Variants in GALNT18 observed in about 807,000 individuals in gnomAD.
GALNT18 encodes GalNAc-transferase 18.
A neutral mutation model predicts 69.5 loss-of-function variants in GALNT18; 44 were observed. That is an observed-to-expected ratio of 0.63 (90% CI 0.50 to 0.81). The LOEUF is 0.81. GALNT18 is among the 40% of genes least tolerant of loss of function. The pLI, the probability that GALNT18 is intolerant of heterozygous loss-of-function variation, is 0.00. For missense variants in GALNT18, 715 were observed against 810.0 expected, an observed-to-expected ratio of 0.88 and a Z score of 1.42; for synonymous variants, 364 against 318.2, an observed-to-expected ratio of 1.14 and a Z score of -1.53.
rs146792722 is a variant in GALNT18 at position 11,386,676 on chromosome 11, T to C, written c.596-7412A>G. ...TATTCTAAGTATTTGGTATATGTTA[T>C]CTCATTTAATCATTTCAACAACCCT... On this transcript the variant is annotated intron_variant, in intron 3 of 10. Coordinates refer to ENST00000227756, the MANE Select transcript of GALNT18 (RefSeq NM_198516.3). Among the ~76,000 whole-genome samples, 6 of 152,308 alleles carry C rather than the reference T, an allele frequency of 3.9e-5. No homozygotes were observed. In the East Asian group the frequency reaches 1.2e-3, roughly 29 times the overall value.
chr11:11,376,677 A>G (rs1360698230), intron 5 of GALNT18, among the ~76,000 whole-genome samples: 2 of 152,018 alleles, frequency 1.3e-5, no homozygotes, highest in Non-Finnish European at 2.9e-5. Context: ...TCCCACTTCT[A>G]GTGACTTTGA....
At chr11:11,504,202 G>T (rs191552124) in intron 1 of GALNT18, among the ~76,000 whole-genome samples, 9 of 152,254 alleles carry the variant, frequency 5.9e-5, no homozygotes, top group Admixed American at 5.9e-4. Flanking sequence ...GTAAATGAAT[G>T]ATGGCAGGAT....
intron 1 of GALNT18, among the ~76,000 whole-genome samples, chr11:11,515,700 G>A (rs1010532893): frequency 1.6e-4 from 24 of 152,360 alleles, no homozygotes; most frequent in South Asian, 6.2e-4. Flanking sequence ...CTGACCAGAT[G>A]AAACCTAACC....
intron 9 of GALNT18, among the ~76,000 whole-genome samples, chr11:11,304,944 A>G (rs1222869824): frequency 6.6e-6 from 1 of 152,248 alleles, no homozygotes; most frequent in Non-Finnish European, 1.5e-5. Context: ...TGAGTAAGAA[A>G]TAAACACATC....
rs1441875205 is a variant in GALNT18 at position 11,463,707 on chromosome 11, G to T, written c.236-14771C>A. On this transcript the variant is annotated intron_variant, in intron 1 of 10. Transcript: ENST00000227756. The surrounding 1 kb of genome is among the most constrained non-coding windows in gnomAD (Gnocchi z 4.2). ...CAGGCCCTCCCAACCCCAGGCCCTG[G>T]CAGGATAGGGAAAGGCTTTGAATCC... is the stretch of plus-strand genomic sequence containing the variant. Among the ~76,000 whole-genome samples, 3 of 152,212 alleles carry T rather than the reference G, an allele frequency of 2.0e-5. No individual in the cohort carries two copies. Among genetic ancestry groups the T allele is most frequent in the African/African-American group, 7.2e-5 (3 of 41,448 alleles).
At chr11:11,473,612 A>G (rs1380790896) in intron 1 of GALNT18, among the ~76,000 whole-genome samples, 1 of 152,246 alleles carries the variant, frequency 6.6e-6, no homozygotes, top group East Asian at 1.9e-4. Flanking sequence ...CTCAGAAGGT[A>G]GGCTTGAGGG....
chr11:11,510,074 A>C lies in GALNT18; in HGVS notation c.236-61138T>G, dbSNP rs553147733. ...GGCCCAGTGAGTACCAACTACATGC[A>C]GATGCTGGCCACAGCATGGAAAACT... is the stretch of plus-strand genomic sequence containing the variant. On this transcript the variant is annotated intron_variant, in intron 1 of 10. Coordinates refer to ENST00000227756, the MANE Select transcript of GALNT18 (RefSeq NM_198516.3). Among the ~76,000 whole-genome samples, 3 of 152,266 alleles carry C rather than the reference A, an allele frequency of 2.0e-5. No individual in the cohort carries two copies. In the South Asian group the frequency reaches 6.2e-4, roughly 32 times the overall value.
Position 11,432,868 on chromosome 11 carries a change from C to T in GALNT18, c.429-81G>A. 5 of 1,457,288 alleles carry T rather than the reference C, an allele frequency of 3.4e-6. No homozygotes were observed. The highest frequency in any genetic ancestry group is 4.7e-6 in the Non-Finnish European group (5 of 1,068,094). The allele number at this position is 1,457,288 out of a possible 1,614,324, so 90.3% of individuals were successfully genotyped here. A position where few individuals can be genotyped will look rare whatever the true frequency, so the allele number is the denominator to read the frequency against. On this transcript the variant is annotated intron_variant, in intron 2 of 10. Coordinates refer to ENST00000227756, the MANE Select transcript of GALNT18 (RefSeq NM_198516.3). The surrounding 1 kb of genome is among the most constrained non-coding windows in gnomAD (Gnocchi z 5.8). ...GCTGACCCAGCCCATGTCCTGGCTCCAGCTTTGCTGGAGGGCTCGGGAGTC... is the reference window on the plus strand; with the variant it reads ...GCTGACCCAGCCCATGTCCTGGCTCTAGCTTTGCTGGAGGGCTCGGGAGTC...
chr11:11,401,728 C>T (rs1854471897), intron 3 of GALNT18, among the ~76,000 whole-genome samples: 2 of 152,208 alleles, frequency 1.3e-5, no homozygotes, highest in Admixed American at 1.3e-4. Context: ...ATTCAGCAAA[C>T]TTTTACTTAG....
At position 11,574,515 on chromosome 11, in the gene GALNT18, G is replaced by A. The variant is rs759149059; in HGVS notation, c.235+46844C>T. Among the ~76,000 whole-genome samples the A allele has an allele frequency of 4.9e-4, 75 of 152,200 alleles. 2 individuals are homozygous for A. The highest frequency in any genetic ancestry group is 8.8e-5 in the Non-Finnish European group (6 of 68,028). The stretch of plus-strand genomic sequence containing the variant: ...ATGATGTCCTATCTTCCAGGAAGAA[G>A]CATCACACCTGGCTTCTAGCTTGGG... On this transcript the variant is annotated intron_variant, in intron 1 of 10. Transcript: ENST00000227756.
intron 1 of GALNT18, among the ~76,000 whole-genome samples, chr11:11,491,512 G>A (rs1340429465): frequency 6.6e-6 from 1 of 152,180 alleles, no homozygotes; most frequent in East Asian, 1.9e-4. Flanking sequence ...CAAACTCCTG[G>A]CTGCAGGGGC....
chr11:11,279,960 A>C (rs1849034320), intron 10 of GALNT18, among the ~76,000 whole-genome samples: 1 of 151,882 alleles, frequency 6.6e-6, no homozygotes, highest in Non-Finnish European at 1.5e-5. Flanking sequence ...CAGATGAAGG[A>C]GGCAGGGACT....
chr11:11,405,648 G>C (rs1402266189), intron 3 of GALNT18, among the ~76,000 whole-genome samples: 1 of 152,298 alleles, frequency 6.6e-6, no homozygotes, highest in African/African-American at 2.4e-5. Context: ...AGAGAGACGC[G>C]CCGAATGCAG....
chr11:11,395,997 A>AG (rs769306933), intron 3 of GALNT18, among the ~76,000 whole-genome samples: 15 of 151,810 alleles, frequency 9.9e-5, no homozygotes, highest in Admixed American at 7.9e-4. Context: ...GGGGAGAGGG[A>AG]GGGGGGACAC....
chr11:11,535,957 C>T (rs570249261), intron 1 of GALNT18, among the ~76,000 whole-genome samples: 12 of 152,300 alleles, frequency 7.9e-5, no homozygotes, highest in African/African-American at 2.9e-4. Flanking sequence ...ACAAGAGGGC[C>T]TTTCCCATGT....
intron 1 of GALNT18, among the ~76,000 whole-genome samples, chr11:11,532,655 G>C (rs533583751): frequency 6.6e-6 from 1 of 152,334 alleles, no homozygotes; most frequent in South Asian, 2.1e-4. Flanking sequence ...ACAACATAAT[G>C]GAATATGTCT....
At chr11:11,391,113 T>C (rs998611133) in intron 3 of GALNT18, among the ~76,000 whole-genome samples, 1 of 152,214 alleles carries the variant, frequency 6.6e-6, no homozygotes, top group African/African-American at 2.4e-5. Flanking sequence ...AAGCCAGCCC[T>C]GCAGCAAACT....
chr11:11,559,790 G>A (rs28578293), intron 1 of GALNT18, among the ~76,000 whole-genome samples: 4 of 152,122 alleles, frequency 2.6e-5, no homozygotes, highest in Non-Finnish European at 5.9e-5. Context: ...TGATGGGATA[G>A]GATGGAATAG....
At chr11:11,305,744 A>C (rs865981573) in intron 9 of GALNT18, among the ~76,000 whole-genome samples, 1 of 152,214 alleles carries the variant, frequency 6.6e-6, no homozygotes, top group Non-Finnish European at 1.5e-5. Flanking sequence ...CTGTAACAGC[A>C]GTCACCCCCT....
Sources: gnomAD v4.1 joint callset for allele counts (sites outside exome capture counted in the v4.1 genomes callset) on GRCh38, gnomAD v4.1.1 for gene constraint, Gnocchi (gnomAD v3.1) non-coding constraint, MANE v1.5 for transcripts, NCBI Gene and HGNC (gene_info 2026-07-23, HGNC 2026-07-21) for gene names.